Variants in SLC35F3 observed in about 807,000 individuals in gnomAD.
SLC35F3 encodes solute carrier family 35 member F3.
Under a neutral mutation model 49.9 loss-of-function variants are expected in SLC35F3, and 25 were observed. The ratio of observed to expected loss-of-function variants is 0.50; its 90% confidence interval spans 0.37 to 0.70. The LOEUF (loss-of-function observed/expected upper bound fraction) is 0.70, where lower values mean the gene tolerates loss of function less well. SLC35F3 is among the 30% of genes least tolerant of loss of function. SLC35F3 has a pLI of 0.00. For synonymous variants in SLC35F3, 275 were observed against 265.4 expected, an observed-to-expected ratio of 1.04 and a Z score of -0.35; for missense variants, 525 against 639.8, an observed-to-expected ratio of 0.82 and a Z score of 1.94.
Position 234,231,434 on chromosome 1 carries a change from G to A in SLC35F3, c.301G>A (p.Asp101Asn). The change falls in exon 3 of 8, where the codon GAC (aspartate) becomes AAC (asparagine). Residue 101 changes from aspartate (D) to asparagine (N), a missense_variant. Around this residue, in one of 4 missense-constraint regions of SLC35F3, gnomAD observed 228 missense variants for 218.9 expected, o/e 1.04. Coordinates refer to ENST00000366618, the MANE Select transcript of SLC35F3 (RefSeq NM_173508.4). This position sits in a 1 kb window ranked among gnomAD's most constrained non-coding sequence, Gnocchi z 5.4. ...ASCKREERPRDSPGPAEAQAP... is the reference protein window; with the variant it reads ...ASCKREERPRNSPGPAEAQAP... ...TTCCCCAGGGGAGGAGCGCCCCCGG[G>A]ACTCCCCGGGCCCGGCGGAGGCCCA... The A allele has an allele frequency of 6.3e-7, 1 of 1,583,140 alleles. No homozygotes were observed. Among genetic ancestry groups the A allele is most frequent in the Non-Finnish European group, 8.6e-7 (1 of 1,166,396 alleles).
intron 2 of SLC35F3, among the ~76,000 whole-genome samples, chr1:234,121,231 G>C (rs1457989104): frequency 1.3e-5 from 2 of 150,280 alleles, no homozygotes; most frequent in Non-Finnish European, 3.0e-5. Context: ...CCACCTCCCG[G>C]GTTCATTCCA....
chr1:234,139,979 TAAAA>T (rs1665874311), intron 2 of SLC35F3, among the ~76,000 whole-genome samples: 2 of 133,494 alleles, frequency 1.5e-5, no homozygotes, highest in Non-Finnish European at 1.7e-5. Context: ...TAAAATAAAA[TAAAA>T]TAAAATAAAA....
chr1:233,939,086 G>A (rs1230656949), intron 2 of SLC35F3, among the ~76,000 whole-genome samples: 1 of 152,176 alleles, frequency 6.6e-6, no homozygotes, highest in African/African-American at 2.4e-5. Flanking sequence ...GCAAGTGGTA[G>A]TCAGCTCTTA....
rs144039978 is a variant in SLC35F3, at chr1:234,234,005, GAAA to G, written c.608+2267_608+2269del. Among the ~76,000 whole-genome samples, 1,297 of 152,278 alleles carry G rather than the reference GAAA, an allele frequency of 8.5e-3. 20 individuals carry two copies. Among genetic ancestry groups the G allele is most frequent in the African/African-American group, 0.03 (1,232 of 41,554 alleles). On this transcript the variant is annotated intron_variant, in intron 3 of 7. Transcript: ENST00000366618. ...AGAGAGATCCTTCCTCAAAAGGAGA[GAAA>G]AATTTTAACATCACAGACCTTCCTT...
At chr1:234,297,190 T>C (rs149245138) in intron 3 of SLC35F3, among the ~76,000 whole-genome samples, 34 of 152,328 alleles carry the variant, frequency 2.2e-4, no homozygotes, top group African/African-American at 7.7e-4. Flanking sequence ...GGAACCCTTG[T>C]ACACCGTTGT....
chr1:234,125,920 TGA>T (rs1411115779), intron 2 of SLC35F3, among the ~76,000 whole-genome samples: 21 of 152,278 alleles, frequency 1.4e-4, no homozygotes, highest in African/African-American at 4.8e-4. Flanking sequence ...CAGTGTGTGA[TGA>T]AGAACAGTCT....
intron 2 of SLC35F3, among the ~76,000 whole-genome samples, chr1:234,127,537 C>T (rs151036911): frequency 5.3e-5 from 8 of 152,108 alleles, no homozygotes; most frequent in Admixed American, 1.3e-4. Context: ...TGCTGTCATT[C>T]GATGCAGCTC....
chr1:234,296,653 T>C (rs191049357), intron 3 of SLC35F3, among the ~76,000 whole-genome samples: 14 of 152,360 alleles, frequency 9.2e-5, no homozygotes, highest in Admixed American at 5.9e-4. Context: ...CCAGGGGCCC[T>C]GTGGACCAGC....
chr1:234,053,200 T>C (rs903452107), intron 2 of SLC35F3, among the ~76,000 whole-genome samples: 1 of 152,204 alleles, frequency 6.6e-6, no homozygotes, highest in African/African-American at 2.4e-5. Context: ...CCTTGTTAAC[T>C]TTCTGTCTCG....
At chr1:233,925,060 G>T (rs1662133521) in intron 2 of SLC35F3, among the ~76,000 whole-genome samples, 1 of 152,130 alleles carries the variant, frequency 6.6e-6, no homozygotes, top group Admixed American at 6.6e-5. Flanking sequence ...CAACTATGTG[G>T]TCAATTTTGG....
chr1:233,960,285 A>ACTTC (rs1393465329), intron 2 of SLC35F3, among the ~76,000 whole-genome samples: 1 of 152,010 alleles, frequency 6.6e-6, no homozygotes, highest in Admixed American at 6.5e-5. Flanking sequence ...GTTTCCCCTC[A>ACTTC]CCTGTCACTT....
At chr1:233,984,813 C>T (rs1187770104) in intron 2 of SLC35F3, among the ~76,000 whole-genome samples, 1 of 152,154 alleles carries the variant, frequency 6.6e-6, no homozygotes. Context: ...TGAAGAGCAA[C>T]CCAGGGACAT....
At chr1:233,985,425 A>G (rs1369991500) in intron 2 of SLC35F3, among the ~76,000 whole-genome samples, 2 of 152,238 alleles carry the variant, frequency 1.3e-5, no homozygotes, top group Admixed American at 6.5e-5. Context: ...TATTGAATCT[A>G]TAGCTGAAGA....
At chr1:234,187,056 G>A (rs190299566) in intron 2 of SLC35F3, among the ~76,000 whole-genome samples, 84 of 152,246 alleles carry the variant, frequency 5.5e-4, no homozygotes, top group African/African-American at 1.9e-3. Context: ...GGATCCAGGG[G>A]AATTGGCCTG....
At chr1:233,918,848 G>A (rs1357824231) in intron 2 of SLC35F3, among the ~76,000 whole-genome samples, 1 of 151,736 alleles carries the variant, frequency 6.6e-6, no homozygotes, top group Non-Finnish European at 1.5e-5. Context: ...GTGTGTTTGT[G>A]TGTGTGTGTT....
At chr1:233,941,719 C>CA (rs143912246) in intron 2 of SLC35F3, among the ~76,000 whole-genome samples, 16,900 of 151,900 alleles carry the variant, frequency 0.11, 1,157 homozygotes, top group Non-Finnish European at 0.16. Flanking sequence ...TATATTGCAC[C>CA]AAAAAAATAG....
At chr1:234,042,441 A>C (rs1664234671) in intron 2 of SLC35F3, among the ~76,000 whole-genome samples, 1 of 152,204 alleles carries the variant, frequency 6.6e-6, no homozygotes, top group Admixed American at 6.5e-5. Flanking sequence ...AAAGGTTGGC[A>C]ACTACTGATG....
Position 234,261,149 on chromosome 1 carries a change from C to T in SLC35F3, c.608+29408C>T, listed in dbSNP as rs149879795. Among the ~76,000 whole-genome samples the T allele has an allele frequency of 1.8e-4, 27 of 152,186 alleles. No individual in the cohort carries two copies. In the East Asian group the frequency reaches 4.6e-3, roughly 26 times the overall value. ...GAGAAAGTGTTACCAGAAAGGAGTC[C>T]TGATCCAGACCCCAAGAAAGGGTTC... On this transcript the variant is annotated intron_variant, in intron 3 of 7. Coordinates refer to ENST00000366618, the MANE Select transcript of SLC35F3 (RefSeq NM_173508.4).
intron 2 of SLC35F3, among the ~76,000 whole-genome samples, chr1:234,206,967 T>C (rs1666980127): frequency 6.6e-6 from 1 of 152,144 alleles, no homozygotes; most frequent in South Asian, 2.1e-4. Flanking sequence ...CTGAGGGCCA[T>C]TCTCCTTGAT....
Sources: allele counts gnomAD v4.1 joint callset (sites outside exome capture counted in the v4.1 genomes callset), GRCh38; gene constraint gnomAD v4.1.1; regional missense constraint gnomAD v4.1.1; non-coding constraint Gnocchi (gnomAD v3.1); transcripts MANE v1.5; gene names NCBI Gene and HGNC (gene_info 2026-07-23, HGNC 2026-07-21).